NFATC1: variants seen among roughly 807,000 people sequenced by gnomAD.
The protein encoded by NFATC1 is nuclear factor of activated T cells 1, also known as nuclear factor of activated T-cells, cytoplasmic 1.
NFATC1 carries 22 observed loss-of-function variants against 76.0 expected under a neutral mutation model. That is an observed-to-expected ratio of 0.29 (90% CI 0.21 to 0.41). NFATC1 has a LOEUF of 0.41. Among genes scored for constraint, NFATC1 ranks in the 10% least tolerant of loss-of-function variants. The pLI is 1.00. For missense variants in NFATC1, 1,357 were observed against 1,337.7 expected (o/e 1.01, Z -0.23); for synonymous variants, 704 against 613.1 (o/e 1.15, Z -2.19).
chr18:79,441,766 T>C (rs3786188), intron 3 of NFATC1, among the ~76,000 whole-genome samples: 20,979 of 152,078 alleles, frequency 0.14, 2,133 homozygotes, highest in African/African-American at 0.28. Flanking sequence ...TGTGTGCTTC[T>C]GGCCCTGGGG....
In NFATC1 at chr18:79,417,111, G is replaced by T. The variant is rs954868846; in HGVS notation, c.1226+5610G>T. ...CAGCTGTGGTGGGAGATGGGAGATG[G>T]GCTATGGTGGGAGATGGGCTGTGGC... On this transcript the variant is annotated intron_variant, in intron 2 of 9. Coordinates refer to ENST00000427363, the MANE Select transcript of NFATC1 (RefSeq NM_001278669.2). Among the ~76,000 whole-genome samples, 3 of 151,986 alleles carry T rather than the reference G, an allele frequency of 2.0e-5. No homozygotes were observed. The East Asian group carries it at 5.8e-4, about 29-fold the overall frequency.
chr18:79,471,571 C>A (rs2088788553), intron 8 of NFATC1, among the ~76,000 whole-genome samples: 1 of 152,218 alleles, frequency 6.6e-6, no homozygotes, highest in African/African-American at 2.4e-5. Flanking sequence ...GCTCTTCCCC[C>A]ATCAGTGCCC....
intron 1 of NFATC1, among the ~76,000 whole-genome samples, chr18:79,404,248 C>T (rs564565295): frequency 2.6e-5 from 4 of 152,306 alleles, no homozygotes; most frequent in Non-Finnish European, 4.4e-5. Context: ...AAGGCGTTGG[C>T]GTGCTTATTT....
In NFATC1 at chr18:79,465,178, G is replaced by T. The variant is rs2088411671; in HGVS notation, c.1960-2272G>T. Among the ~76,000 whole-genome samples the T allele has an allele frequency of 6.6e-6, 1 of 152,108 alleles. No individual in the cohort carries two copies. Among genetic ancestry groups the T allele is most frequent in the African/African-American group, 2.4e-5 (1 of 41,404 alleles). On this transcript the variant is annotated intron_variant, in intron 7 of 9. Transcript: ENST00000427363. The surrounding 1 kb of genome is among the most constrained non-coding windows in gnomAD (Gnocchi z 4.2). Reference sequence around the variant, plus strand: ...CAGACGAGTTTCCCTCTCCCTTCCTGTTCTTCCGTGTTTCTTCTTTATCGC... The same window carrying T: ...CAGACGAGTTTCCCTCTCCCTTCCTTTTCTTCCGTGTTTCTTCTTTATCGC...
intron 4 of NFATC1, among the ~76,000 whole-genome samples, chr18:79,450,338 C>T (rs866980546): frequency 6.6e-6 from 1 of 151,146 alleles, no homozygotes; most frequent in Non-Finnish European, 1.5e-5. Flanking sequence ...GGGTTTTACA[C>T]ACAAAAAATG....
Position 79,486,562 on chromosome 18 carries a change from G to C in NFATC1, c.2407G>C (p.Val803Leu), listed in dbSNP as rs772988184. The change falls in exon 9 of 10, where the codon GTG becomes CTG. Residue 803 changes from valine (V) to leucine (L), a missense_variant. By Grantham distance (32) the Val-to-Leu change is conservative. Transcript: ENST00000427363. Reference sequence around the variant, plus strand: ...CGGAGAGGCCCCCGCCGTCCAGGACGTGCCCAGGCCAGTGGCCACGCACCC... The same window carrying C: ...CGGAGAGGCCCCCGCCGTCCAGGACCTGCCCAGGCCAGTGGCCACGCACCC... ...PAGEAPAVQDVPRPVATHPGS... is the reference protein window; with the variant it reads ...PAGEAPAVQDLPRPVATHPGS... The C allele has an allele frequency of 1.9e-6, 3 of 1,594,088 alleles. No homozygotes were observed. The highest frequency in any genetic ancestry group is 1.3e-5 in the African/African-American group (1 of 74,672).
rs1477327594 is a variant in NFATC1 at position 79,524,866 on chromosome 18, C to T, written c.2783-2662C>T. Among the ~76,000 whole-genome samples, 2 of 152,014 alleles carry T rather than the reference C, an allele frequency of 1.3e-5. No homozygotes were observed. Among genetic ancestry groups the T allele is most frequent in the East Asian group, 3.9e-4 (2 of 5,162 alleles). On this transcript the variant is annotated intron_variant, in intron 9 of 9. Coordinates refer to ENST00000427363, the MANE Select transcript of NFATC1 (RefSeq NM_001278669.2). This position sits in a 1 kb window ranked among gnomAD's most constrained non-coding sequence, Gnocchi z 7.2. Reference sequence around the variant, plus strand: ...TCCCTTTCACCCTCAGCGACGCGCCCTCCTGTGCCCGCGGGGAACAAGACG... The same window carrying T: ...TCCCTTTCACCCTCAGCGACGCGCCTTCCTGTGCCCGCGGGGAACAAGACG...
rs534530987 is a variant in NFATC1, at chr18:79,433,872, G to T, written c.1386+134G>T. 2.5e-5 allele frequency: 27 copies of T among 1,083,410 alleles called. No individual in the cohort carries two copies. The East Asian group carries it at 6.4e-4, about 26-fold the overall frequency. The allele number at this position is 1,083,410 out of a possible 1,614,324, so 67.1% of individuals were successfully genotyped here. On this transcript the variant is annotated intron_variant, in intron 3 of 9. Coordinates refer to ENST00000427363, the MANE Select transcript of NFATC1 (RefSeq NM_001278669.2). Reference sequence around the variant, plus strand: ...TGCTCTGTCGTGGTTAGTCCCGGGCGGCTGCTCACCGCCTCTGAGCTGGAA... The same window carrying T: ...TGCTCTGTCGTGGTTAGTCCCGGGCTGCTGCTCACCGCCTCTGAGCTGGAA...
At chr18:79,418,014 C>T (rs1005437925) in intron 2 of NFATC1, among the ~76,000 whole-genome samples, 2 of 151,990 alleles carry the variant, frequency 1.3e-5, no homozygotes, top group East Asian at 3.8e-4. Flanking sequence ...TGGATGCGTC[C>T]TATTCAGGAG....
Position 79,405,198 on chromosome 18 carries a change from A to AGGGGCCATGCCAT in NFATC1, c.128-5203_128-5191dup, listed in dbSNP as rs544977684. Among the ~76,000 whole-genome samples the AGGGGCCATGCCAT allele has an allele frequency of 1.9e-4, 29 of 152,308 alleles. 2 individuals carry two copies. The highest frequency in any genetic ancestry group is 6.7e-4 in the African/African-American group (28 of 41,570). ...AGTGAGGAGGTGGCACTTTCAGCAG[A>AGGGGCCATGCCAT]GGGGCCATGCCATGACCTTCCGTTA... On this transcript the variant is annotated intron_variant, in intron 1 of 9. Transcript: ENST00000427363.
At chr18:79,455,072 T>G (rs1215158321) in intron 6 of NFATC1, among the ~76,000 whole-genome samples, 2 of 152,206 alleles carry the variant, frequency 1.3e-5, no homozygotes, top group African/African-American at 4.8e-5. Context: ...CTGGCTGAGA[T>G]GAGACAGAAG....
chr18:79,525,974 C>T (rs1250585907), intron 9 of NFATC1, among the ~76,000 whole-genome samples: 4 of 152,270 alleles, frequency 2.6e-5, no homozygotes, highest in African/African-American at 9.6e-5. Flanking sequence ...CACGGAGCTC[C>T]TGGGGGCCGC....
At chr18:79,525,690 G>T (rs2090742900) in intron 9 of NFATC1, among the ~76,000 whole-genome samples, 1 of 152,204 alleles carries the variant, frequency 6.6e-6, no homozygotes, top group Non-Finnish European at 1.5e-5. Flanking sequence ...ATTCTGACTG[G>T]AGTCCTTTCT....
chr18:79,435,354 T>TTG (rs1380786053), intron 3 of NFATC1, among the ~76,000 whole-genome samples: 6 of 144,288 alleles, frequency 4.2e-5, no homozygotes, highest in Non-Finnish European at 7.7e-5. Context: ...GTTTGTTTGT[T>TTG]TTTTTTTTTT....
intron 7 of NFATC1, among the ~76,000 whole-genome samples, chr18:79,463,713 C>T (rs533859851): frequency 1.3e-5 from 2 of 152,376 alleles, no homozygotes; most frequent in African/African-American, 4.8e-5. Flanking sequence ...GGCTCTCCGT[C>T]CCTCTGCCTG....
chr18:79,457,362 C>T (rs9783880), intron 6 of NFATC1, among the ~76,000 whole-genome samples: 3,924 of 152,256 alleles, frequency 0.026, 155 homozygotes, highest in African/African-American at 0.09. Context: ...TTCTGGATAG[C>T]GCTAGGGGCG....
Position 79,441,373 on chromosome 18 carries a change from T to TC in NFATC1, c.1387-7407dup, listed in dbSNP as rs1163792153. Among the ~76,000 whole-genome samples the TC allele has an allele frequency of 1.1e-4, 16 of 152,270 alleles. No homozygotes were observed. In the East Asian group the frequency reaches 2.1e-3, roughly 20 times the overall value. On this transcript the variant is annotated intron_variant, in intron 3 of 9. Transcript: ENST00000427363. ...CACATGGCTGCTGGGCGGGCAGCGC[T>TC]CCTGGGCCTCTCTCCCCCGTGATTT...
intron 3 of NFATC1, among the ~76,000 whole-genome samples, chr18:79,442,412 C>T (rs1016583045): frequency 6.6e-6 from 1 of 152,254 alleles, no homozygotes; most frequent in Non-Finnish European, 1.5e-5. Flanking sequence ...AGAAGAGGGG[C>T]TCCTGCCGCG....
chr18:79,468,073 G>C, intron 8 of NFATC1: 1 of 854,932 alleles, frequency 1.2e-6, no homozygotes, highest in Non-Finnish European at 1.4e-6. Flanking sequence ...CACTTCTCCA[G>C]GGGTAACTTC....
Sources: gnomAD v4.1 joint callset for allele counts (sites outside exome capture counted in the v4.1 genomes callset) on GRCh38, gnomAD v4.1.1 for gene constraint, Gnocchi (gnomAD v3.1) non-coding constraint, MANE v1.5 for transcripts, NCBI Gene and HGNC (gene_info 2026-07-23, HGNC 2026-07-21) for gene names.